TBCD: variants seen among roughly 807,000 people sequenced by gnomAD.
The protein encoded by TBCD is tubulin folding cofactor D, also known as tubulin-specific chaperone D.
A neutral mutation model predicts 169.3 loss-of-function variants in TBCD; 105 were observed. That is an observed-to-expected ratio of 0.62 (90% CI 0.53 to 0.73). The LOEUF (loss-of-function observed/expected upper bound fraction) is 0.73. Ranked by LOEUF, TBCD falls within the 30% of genes least tolerant of loss-of-function variation. The pLI, the probability that TBCD is intolerant of heterozygous loss-of-function variation, is 0.00. For missense variants in TBCD, 1,444 were observed against 1,600.1 expected (o/e 0.90, Z 1.66); for synonymous variants, 700 against 643.9 (o/e 1.09, Z -1.32).
intron 13 of TBCD, among the ~76,000 whole-genome samples, chr17:82,840,954 GTT>G (rs1295995328): frequency 2.5e-4 from 11 of 44,304 alleles, no homozygotes; most frequent in African/African-American, 6.4e-4. Context: ...AGACAAACTG[GTT>G]TTTTTTTTTT....
chr17:82,867,254 G>A (rs767426272), intron 13 of TBCD, among the ~76,000 whole-genome samples: 4 of 152,212 alleles, frequency 2.6e-5, no homozygotes, highest in Admixed American at 1.3e-4. Context: ...TGCGTTGGGC[G>A]TGCAGGAGGC....
Position 82,821,819 on chromosome 17 carries a change from G to A in TBCD, c.1318+6885G>A, listed in dbSNP as rs371821735. ...CATCAGGTAGTAAGCCCTGCATGTC[G>A]GAAATACAGACTGCCTAACTCTTAT... On this transcript the variant is annotated intron_variant, in intron 13 of 38. Transcript: ENST00000355528. 5.3e-5 allele frequency among the ~76,000 whole-genome samples: 8 copies of A among 152,046 alleles called. No homozygotes were observed. The East Asian group carries it at 5.8e-4, about 11-fold the overall frequency.
rs942187289 is a variant in TBCD, at chr17:82,782,232, G to A, written c.771+511G>A. ...CTTTCCCTGCCCTTTCGCTCTGATT[G>A]TCTCTTGTGTTACCTTTTCTTGTGC... On this transcript the variant is annotated intron_variant, in intron 7 of 38. Transcript: ENST00000355528. The surrounding 1 kb of genome is among the most constrained non-coding windows in gnomAD (Gnocchi z 5.1). Among the ~76,000 whole-genome samples the A allele has an allele frequency of 2.0e-5, 3 of 151,012 alleles. No homozygotes were observed. The highest frequency in any genetic ancestry group is 7.2e-5 in the African/African-American group (3 of 41,392).
At chr17:82,754,859 A>G (rs1598362031) in intron 1 of TBCD, among the ~76,000 whole-genome samples, 1 of 152,294 alleles carries the variant, frequency 6.6e-6, no homozygotes, top group East Asian at 1.9e-4. Flanking sequence ...AGGGTCTGGG[A>G]GGTTGTGAAG....
intron 13 of TBCD, among the ~76,000 whole-genome samples, chr17:82,815,651 A>G (rs556172862): frequency 1.2e-4 from 18 of 152,328 alleles, no homozygotes; most frequent in African/African-American, 3.8e-4. Context: ...CAGGAAGGAA[A>G]GGATGTCTGT....
chr17:82,870,456 G>T, intron 14 of TBCD, 76 bp downstream of exon 14: 2 of 1,535,346 alleles, frequency 1.3e-6, no homozygotes. Context: ...TCCATGAGAG[G>T]TGTGCACAGC....
intron 22 of TBCD, among the ~76,000 whole-genome samples, chr17:82,909,530 G>A (rs1294481587): frequency 6.9e-6 from 1 of 145,792 alleles, no homozygotes. Context: ...AGGTGCATGA[G>A]GGTCTGACCT....
chr17:82,926,633 C>T (rs2147253491), intron 28 of TBCD, 142 bp downstream of exon 28: 1 of 694,268 alleles, frequency 1.4e-6, no homozygotes, highest in Non-Finnish European at 2.4e-6. Context: ...ATCGTCAGTC[C>T]CAGCTGCTGG....
At chr17:82,793,496 G>T (rs1346124462) in intron 7 of TBCD, among the ~76,000 whole-genome samples, 16 of 152,220 alleles carry the variant, frequency 1.1e-4, no homozygotes, top group Admixed American at 1.0e-3. Context: ...GTAGTGGTGT[G>T]GTGGGAAGGT....
At chr17:82,879,754 A>G (rs1324901020) in intron 14 of TBCD, among the ~76,000 whole-genome samples, 4 of 152,204 alleles carry the variant, frequency 2.6e-5, no homozygotes, top group Admixed American at 1.3e-4. Flanking sequence ...CCCTGGGCCA[A>G]CATTGGTCTG....
At chr17:82,887,168 T>TGTGTGTGTGTGTGTGTGCGCGCGCGC in intron 15 of TBCD, among the ~76,000 whole-genome samples, 18 of 126,090 alleles carry the variant, frequency 1.4e-4, no homozygotes, top group Admixed American at 2.2e-4. Context: ...TGTGTGTGTG[T>TGTGTGTGTGTGTGTGTGCGCGCGCGC]GCGCGCGCGC....
intron 1 of TBCD, among the ~76,000 whole-genome samples, chr17:82,752,779 AG>A (rs1353084201): frequency 6.6e-6 from 1 of 152,154 alleles, no homozygotes; most frequent in East Asian, 1.9e-4. Flanking sequence ...GTGGACTCCC[AG>A]GCTTGCCTCC....
intron 17 of TBCD, among the ~76,000 whole-genome samples, chr17:82,897,726 G>C (rs1456647673): frequency 6.6e-6 from 1 of 152,168 alleles, no homozygotes; most frequent in East Asian, 1.9e-4. Flanking sequence ...TCCTGTCGCT[G>C]GGGCTCCCCC....
intron 7 of TBCD, among the ~76,000 whole-genome samples, chr17:82,790,528 C>T (rs1361558409): frequency 1.3e-5 from 2 of 152,166 alleles, no homozygotes; most frequent in African/African-American, 4.8e-5. Context: ...CGCCGGCCTC[C>T]ATGGGCTCCC....
intron 13 of TBCD, chr17:82,859,850 A>G (rs2056614447): frequency 1.0e-6 from 1 of 985,342 alleles, no homozygotes; most frequent in African/African-American, 1.7e-5. Context: ...AGTTGGGAAC[A>G]GAAAGAAAAC....
rs551119484 is a variant in TBCD, at chr17:82,889,489, G to T, written c.1534-179G>T. ...AATTCTTAAATTGTGGTTTTAAAGA[G>T]CACCAGGACGTAAAAACAGAGTGAC... On this transcript the variant is annotated intron_variant, in intron 15 of 38. Coordinates refer to ENST00000355528, the MANE Select transcript of TBCD (RefSeq NM_005993.5). The surrounding 1 kb of genome is among the most constrained non-coding windows in gnomAD (Gnocchi z 5.3). Among the ~76,000 whole-genome samples, 1 of 152,118 alleles carries T rather than the reference G, an allele frequency of 6.6e-6. No individual in the cohort carries two copies. The highest frequency in any genetic ancestry group is 6.5e-5 in the Admixed American group (1 of 15,280).
At chr17:82,900,488 C>A in intron 17 of TBCD, 163 bp from the exon 18 acceptor site, 1 of 619,548 alleles carries the variant, frequency 1.6e-6, no homozygotes, top group Non-Finnish European at 2.9e-6. Context: ...CACAGATGCT[C>A]TTTTCTTTTG....
In TBCD at chr17:82,943,709, AGT is replaced by A. The variant is rs2063487137; in HGVS notation, c.*1250_*1251del. ...GTGTGTGACGACCTGGCCACACAGGAGTGTGGGGTTAACACACTACTGTTGTT... is the reference window on the plus strand; with the variant it reads ...GTGTGTGACGACCTGGCCACACAGGAGTGGGGTTAACACACTACTGTTGTT... On this transcript the variant is annotated 3_prime_UTR_variant, in exon 39 of 39. Coordinates refer to ENST00000355528, the MANE Select transcript of TBCD (RefSeq NM_005993.5). The A allele has an allele frequency of 6.6e-6, 1 of 152,212 alleles. No homozygotes were observed. Among genetic ancestry groups the A allele is most frequent in the Admixed American group, 6.5e-5 (1 of 15,288 alleles). The allele number at this position is 152,212 out of a possible 1,614,324, so 9.4% of individuals were successfully genotyped here. A position where few individuals can be genotyped will look rare whatever the true frequency, so the allele number is the denominator to read the frequency against.
intron 13 of TBCD, among the ~76,000 whole-genome samples, chr17:82,854,389 G>A (rs1016387280): frequency 7.2e-5 from 11 of 152,220 alleles, no homozygotes; most frequent in African/African-American, 2.2e-4. Context: ...CACAAAGGGC[G>A]ATGAAATGTC....
Sources: gnomAD v4.1 joint callset for allele counts (sites outside exome capture counted in the v4.1 genomes callset) on GRCh38, gnomAD v4.1.1 for gene constraint, Gnocchi (gnomAD v3.1) non-coding constraint, MANE v1.5 for transcripts, NCBI Gene and HGNC (gene_info 2026-07-23, HGNC 2026-07-21) for gene names.